GJA5: variants seen among roughly 807,000 people sequenced by gnomAD.
The protein encoded by GJA5 is gap junction alpha-5 protein.
GJA5 carries 3 observed loss-of-function variants against 7.9 expected under a neutral mutation model. That is an observed-to-expected ratio of 0.38 (90% CI 0.17 to 0.99). GJA5 has a LOEUF of 0.99. Among genes scored for constraint, GJA5 ranks in the 50% least tolerant of loss-of-function variants. The probability of loss-of-function intolerance (pLI) is 0.38; values close to 1 mark genes in which losing one functional copy is unlikely to be tolerated. For missense variants in GJA5, 390 were observed against 457.9 expected (o/e 0.85, Z 1.35); for synonymous variants, 193 against 181.0 (o/e 1.07, Z -0.53).
chr1:147,770,390 C>T (rs1292127169), intron 1 of GJA5, among the ~76,000 whole-genome samples: 1 of 151,954 alleles, frequency 6.6e-6, no homozygotes, highest in African/African-American at 2.4e-5. Context: ...GAAACAAGTC[C>T]AGAGTTTCTG....
intron 1 of GJA5, among the ~76,000 whole-genome samples, chr1:147,770,296 G>T (rs1046000995): frequency 1.3e-5 from 2 of 152,224 alleles, no homozygotes; most frequent in East Asian, 3.9e-4. Context: ...AAGTGTAGAG[G>T]CTCTTCCATC....
chr1:147,770,163 C>T (rs1664344267), intron 1 of GJA5, among the ~76,000 whole-genome samples: 1 of 152,116 alleles, frequency 6.6e-6, no homozygotes, highest in Non-Finnish European at 1.5e-5. Flanking sequence ...GGGAAATCCC[C>T]TGTGAAAATG....
intron 1 of GJA5, 99 bp from the exon 2 acceptor site, chr1:147,759,370 C>T (rs993328177): frequency 1.1e-5 from 8 of 711,864 alleles, no homozygotes; most frequent in Non-Finnish European, 1.7e-5. Flanking sequence ...TCCATCCATC[C>T]AATGGGTTCT....
At chr1:147,767,090 T>C (rs1282525839) in intron 1 of GJA5, among the ~76,000 whole-genome samples, 1 of 152,194 alleles carries the variant, frequency 6.6e-6, no homozygotes, top group Non-Finnish European at 1.5e-5. Context: ...TGTTTTCTGA[T>C]TTCCTCTCAC....
intron 1 of GJA5, among the ~76,000 whole-genome samples, chr1:147,765,677 G>A (rs1156771553): frequency 6.6e-6 from 1 of 152,216 alleles, no homozygotes; most frequent in Non-Finnish European, 1.5e-5. Context: ...AGCAGATTGT[G>A]GAGGGCTTTA....
At position 147,758,707 on chromosome 1, in the gene GJA5, A is replaced by T; in HGVS notation, c.532T>A (p.Phe178Ile). Residue 178 changes from phenylalanine to isoleucine, a missense_variant, in exon 2 of 2, where the codon TTC (phenylalanine) becomes ATC (isoleucine). Coordinates refer to ENST00000579774, the MANE Select transcript of GJA5 (RefSeq NM_181703.4). ...CGGCAGACATGCAGGGTGGTCAGGAAGATTCCGTAGATGAAGTACTGGCCC... is the reference window on the plus strand; with the variant it reads ...CGGCAGACATGCAGGGTGGTCAGGATGATTCCGTAGATGAAGTACTGGCCC... ...IVGQYFIYGI[F>I]LTTLHVCRRS... The T allele has an allele frequency of 6.2e-7, 1 of 1,614,176 alleles. No individual in the cohort carries two copies. Among genetic ancestry groups the T allele is most frequent in the Non-Finnish European group, 8.5e-7 (1 of 1,180,032 alleles).
Position 147,758,455 on chromosome 1 carries a change from T to G in GJA5, c.784A>C (p.Thr262Pro). 3 of 1,614,148 alleles carry G rather than the reference T, an allele frequency of 1.9e-6. No homozygotes were observed. The highest frequency in any genetic ancestry group is 2.5e-6 in the Non-Finnish European group (3 of 1,180,016). The change falls in exon 2 of 2, where the codon ACA (threonine) becomes CCA (proline). Residue 262 changes from threonine to proline, a missense_variant. Physicochemically the swap from Thr to Pro is conservative, Grantham distance 38 (BLOSUM62 -1). Coordinates refer to ENST00000579774, the MANE Select transcript of GJA5 (RefSeq NM_181703.4). ...CACTGATTAAAGTCGGGGGGTGGTG[T>G]GCAGCTCTGGACTATGCCCACAGAG... ...GPSVGIVQSCTPPPDFNQCLE... is the reference protein window; with the variant it reads ...GPSVGIVQSCPPPPDFNQCLE...
chr1:147,764,610 A>T (rs1351450602), upstream of GJA5, among the ~76,000 whole-genome samples: 3 of 152,230 alleles, frequency 2.0e-5, no homozygotes, highest in Admixed American at 1.3e-4. Context: ...AGATCATCTG[A>T]GGTCAGGAGT....
intron 1 of GJA5, among the ~76,000 whole-genome samples, chr1:147,769,903 G>T (rs1664335709): frequency 6.6e-6 from 1 of 151,920 alleles, no homozygotes; most frequent in African/African-American, 2.4e-5. Context: ...GACTCCACAT[G>T]GCTCCATATT....
In GJA5 at chr1:147,756,331, G is replaced by GAGAT. The variant is rs1358782019; in HGVS notation, c.*1827_*1830dup. ...AACACTCATTTCATAAAACATTTCA[G>GAGAT]AGATAGAAGGAGAGAAAATATTAAT... On this transcript the variant is annotated 3_prime_UTR_variant, in exon 2 of 2. Transcript: ENST00000579774. 1.7e-4 allele frequency: 26 copies of GAGAT among 152,170 alleles called. No individual in the cohort carries two copies. Among genetic ancestry groups the GAGAT allele is most frequent in the Admixed American group, 5.2e-4 (8 of 15,280 alleles). The allele number at this position is 152,170 out of a possible 1,614,324, so 9.4% of individuals were successfully genotyped here. A position where few individuals can be genotyped will look rare whatever the true frequency, so the allele number is the denominator to read the frequency against.
chr1:147,761,786 T>A (rs1453215668), upstream of GJA5, among the ~76,000 whole-genome samples: 1 of 152,092 alleles, frequency 6.6e-6, no homozygotes, highest in Non-Finnish European at 1.5e-5. Flanking sequence ...ACACGTGCAG[T>A]GACTGAACTA....
chr1:147,764,971 A>G (rs1664150760), upstream of GJA5, among the ~76,000 whole-genome samples: 1 of 151,878 alleles, frequency 6.6e-6, no homozygotes, highest in African/African-American at 2.4e-5. Context: ...AGGTTCTCTC[A>G]TTTGGTACAC....
upstream of GJA5, among the ~76,000 whole-genome samples, chr1:147,762,675 C>G (rs1553227584): frequency 4.6e-5 from 7 of 152,182 alleles, no homozygotes. Context: ...CCTGCTGACG[C>G]TCAGGCAAGG....
chr1:147,758,530 G>T lies in GJA5; in HGVS notation c.709C>A (p.Arg237=). The T allele has an allele frequency of 3.7e-6, 6 of 1,613,840 alleles. No individual in the cohort carries two copies. Among genetic ancestry groups the T allele is most frequent in the Non-Finnish European group, 5.1e-6 (6 of 1,179,736 alleles). ...ATGTGCTGCCGCGGTTTGACAAATC[G>T]CTGTCTGATCTTCTTCCAGCCCAGG... ...YHLGWKKIRQ[R]FVKPRQHMAK... Residue 237 remains arginine (R), a synonymous_variant, in exon 2 of 2, where the codon CGA becomes AGA. Coordinates refer to ENST00000579774, the MANE Select transcript of GJA5 (RefSeq NM_181703.4).
chr1:147,763,460 A>G (rs1307819226), upstream of GJA5, among the ~76,000 whole-genome samples: 2 of 152,166 alleles, frequency 1.3e-5, no homozygotes, highest in African/African-American at 4.8e-5. Flanking sequence ...GGAGAGTCCT[A>G]GGGAATTGCG....
intron 1 of GJA5, among the ~76,000 whole-genome samples, chr1:147,759,930 A>G (rs1201064770): frequency 6.6e-6 from 1 of 152,056 alleles, no homozygotes; most frequent in Non-Finnish European, 1.5e-5. Flanking sequence ...AAGAGTGAGG[A>G]TGGGATTGGC....
chr1:147,770,369 G>A (rs782109750), intron 1 of GJA5, among the ~76,000 whole-genome samples: 6 of 152,064 alleles, frequency 3.9e-5, no homozygotes, highest in Non-Finnish European at 5.9e-5. Flanking sequence ...GCAAGTTAGT[G>A]GCAAAGCCAA....
chr1:147,763,029 G>C (rs1350736877), upstream of GJA5, among the ~76,000 whole-genome samples: 5 of 152,148 alleles, frequency 3.3e-5, no homozygotes, highest in Non-Finnish European at 5.9e-5. Flanking sequence ...TGCTTAACTT[G>C]CCATGTGAAA....
In GJA5 at chr1:147,757,945, G is replaced by C; in HGVS notation, c.*217C>G. On this transcript the variant is annotated 3_prime_UTR_variant, in exon 2 of 2. Transcript: ENST00000579774. Reference sequence around the variant, plus strand: ...AGGCTTCGTATACTGGGTAGAGGGTGGGGAGGGAACTGCAGTCTGGGTGGG... The same window carrying C: ...AGGCTTCGTATACTGGGTAGAGGGTCGGGAGGGAACTGCAGTCTGGGTGGG... 1 of 591,472 alleles carries C rather than the reference G, an allele frequency of 1.7e-6. No homozygotes were observed. The highest frequency in any genetic ancestry group is 3.0e-6 in the Non-Finnish European group (1 of 332,582). The allele number at this position is 591,472 out of a possible 1,614,324, so 36.6% of individuals were successfully genotyped here.
Sources: gnomAD v4.1 joint callset for allele counts (sites outside exome capture counted in the v4.1 genomes callset) on GRCh38, gnomAD v4.1.1 for gene constraint, MANE v1.5 for transcripts, NCBI Gene and HGNC (gene_info 2026-07-23, HGNC 2026-07-21) for gene names.